The following AUTS2 variants were observed in gnomAD, a reference collection of about 807,000 sequenced individuals.
AUTS2 encodes activator of transcription and developmental regulator AUTS2.
In AUTS2, 17 loss-of-function variants were observed where a neutral mutation model predicts 112.4. The ratio of observed to expected loss-of-function variants is 0.15; its 90% CI spans 0.10 to 0.23. The LOEUF (loss-of-function observed/expected upper bound fraction) is 0.23. AUTS2 is among the 10% of genes least tolerant of loss of function. The pLI is 1.00. For synonymous variants in AUTS2, 751 were observed against 702.7 expected, an observed-to-expected ratio of 1.07 and a Z score of -1.09; for missense variants, 1,510 against 1,701.6, an observed-to-expected ratio of 0.89 and a Z score of 1.98.
intron 5 of AUTS2, among the ~76,000 whole-genome samples, chr7:70,463,397 G>C (rs968920705): frequency 1.3e-5 from 2 of 152,180 alleles, no homozygotes; most frequent in African/African-American, 4.8e-5. Flanking sequence ...ACATGAGAGG[G>C]AGTTTCATGC....
chr7:70,454,204 T>TG (rs923724777), intron 5 of AUTS2, among the ~76,000 whole-genome samples: 39 of 152,256 alleles, frequency 2.6e-4, no homozygotes, highest in Non-Finnish European at 4.9e-4. Flanking sequence ...TCTCTTTTTT[T>TG]GGGGAAGGTA....
chr7:70,496,334 A>C (rs1380121277), intron 5 of AUTS2, among the ~76,000 whole-genome samples: 5 of 95,942 alleles, frequency 5.2e-5, no homozygotes, highest in African/African-American at 8.7e-5. Context: ...ACACACGCAC[A>C]CCCCACACAT....
chr7:70,548,771 T>A (rs899060665), intron 5 of AUTS2, among the ~76,000 whole-genome samples: 18 of 152,220 alleles, frequency 1.2e-4, no homozygotes, highest in African/African-American at 3.6e-4. Flanking sequence ...TCTATCCTTA[T>A]GTCAGTACCA....
intron 4 of AUTS2, among the ~76,000 whole-genome samples, chr7:70,211,665 A>T (rs1030785145): frequency 6.7e-6 from 1 of 149,950 alleles, no homozygotes; most frequent in Non-Finnish European, 1.5e-5. Flanking sequence ...AAAAAAAGAA[A>T]AAAAGAAAAA....
chr7:69,797,000 C>A (rs570802638), intron 1 of AUTS2, among the ~76,000 whole-genome samples: 1 of 152,034 alleles, frequency 6.6e-6, no homozygotes, highest in South Asian at 2.1e-4. Flanking sequence ...AGATTTTCGT[C>A]GTGAGGATGC....
intron 1 of AUTS2, among the ~76,000 whole-genome samples, chr7:69,894,133 A>G (rs1470242496): frequency 6.6e-6 from 1 of 150,638 alleles, no homozygotes; most frequent in Non-Finnish European, 1.5e-5. Context: ...TACCCCCTCT[A>G]TTGACAGCCA....
chr7:70,250,359 G>A (rs937980814), intron 4 of AUTS2, among the ~76,000 whole-genome samples: 2 of 152,154 alleles, frequency 1.3e-5, no homozygotes, highest in Admixed American at 6.5e-5. Flanking sequence ...AGACAGACCT[G>A]CACATTTGCA....
intron 4 of AUTS2, among the ~76,000 whole-genome samples, chr7:70,157,728 A>G (rs1035183256): frequency 6.6e-6 from 1 of 152,244 alleles, no homozygotes; most frequent in African/African-American, 2.4e-5. Context: ...AGCATTTTAT[A>G]GCAAACATGA....
intron 4 of AUTS2, among the ~76,000 whole-genome samples, chr7:70,160,048 T>A (rs1377185096): frequency 6.6e-6 from 1 of 152,158 alleles, no homozygotes; most frequent in Non-Finnish European, 1.5e-5. Context: ...AATAAAGGTA[T>A]AATTAGATTG....
intron 5 of AUTS2, among the ~76,000 whole-genome samples, chr7:70,674,303 GGAT>G (rs1198433300): frequency 6.6e-6 from 1 of 152,100 alleles, no homozygotes; most frequent in Non-Finnish European, 1.5e-5. Flanking sequence ...TTCTTCCTAG[GGAT>G]GATGACTGAC....
chr7:69,987,852 T>C (rs1798576811), intron 2 of AUTS2, among the ~76,000 whole-genome samples: 1 of 152,246 alleles, frequency 6.6e-6, no homozygotes, highest in African/African-American at 2.4e-5. Context: ...TTTCATGTTG[T>C]TCCAGATGAA....
intron 4 of AUTS2, among the ~76,000 whole-genome samples, chr7:70,327,858 C>T (rs1158528543): frequency 6.6e-6 from 1 of 152,180 alleles, no homozygotes; most frequent in African/African-American, 2.4e-5. Context: ...TAGTCATCAA[C>T]ATGGGACATC....
At chr7:70,043,671 G>C (rs1351255420) in intron 2 of AUTS2, among the ~76,000 whole-genome samples, 1 of 147,714 alleles carries the variant, frequency 6.8e-6, no homozygotes, top group African/African-American at 2.5e-5. Context: ...GTGCAATGGC[G>C]CAATCTTGGC....
chr7:70,170,297 C>G (rs1584823598), intron 4 of AUTS2, among the ~76,000 whole-genome samples: 1 of 151,058 alleles, frequency 6.6e-6, no homozygotes, highest in South Asian at 2.1e-4. Flanking sequence ...GTAGCTGGGT[C>G]TACAGGCATA....
At chr7:70,713,613 G>A (rs112550082) in intron 6 of AUTS2, among the ~76,000 whole-genome samples, 2,523 of 152,278 alleles carry the variant, frequency 0.017, 73 homozygotes, top group African/African-American at 0.057. Context: ...ACAGCTTGCC[G>A]GCCGGGCGTG....
At chr7:70,584,124 A>G (rs1219615353) in intron 5 of AUTS2, among the ~76,000 whole-genome samples, 3 of 152,182 alleles carry the variant, frequency 2.0e-5, no homozygotes, top group African/African-American at 7.2e-5. Flanking sequence ...TCATTAGGAA[A>G]CTGGATCTCT....
chr7:69,827,743 T>G (rs1791315546), intron 1 of AUTS2, among the ~76,000 whole-genome samples: 1 of 152,104 alleles, frequency 6.6e-6, no homozygotes, highest in South Asian at 2.1e-4. Context: ...GAGAGAAGGG[T>G]TGTTCTGTTC....
chr7:70,689,396 A>G (rs570290789), intron 5 of AUTS2, among the ~76,000 whole-genome samples: 40 of 151,824 alleles, frequency 2.6e-4, no homozygotes, highest in African/African-American at 9.4e-4. Context: ...AAAGAAAAAG[A>G]AACACCCTTA....
intron 6 of AUTS2, among the ~76,000 whole-genome samples, chr7:70,739,594 A>T (rs1157202625): frequency 6.6e-6 from 1 of 152,114 alleles, no homozygotes; most frequent in Non-Finnish European, 1.5e-5. Context: ...TGACCTGCCC[A>T]AAGTCTCAAA....
Sources: gnomAD v4.1 joint callset for allele counts (sites outside exome capture counted in the v4.1 genomes callset) on GRCh38, gnomAD v4.1.1 for gene constraint, MANE v1.5 for transcripts, NCBI Gene and HGNC (gene_info 2026-07-23, HGNC 2026-07-21) for gene names.